Variants in TRAPPC8 observed in about 807,000 individuals in gnomAD.
TRAPPC8 encodes the protein trafficking protein particle complex subunit 8.
A neutral mutation model predicts 174.3 loss-of-function variants in TRAPPC8; 54 were observed. That is an observed-to-expected ratio of 0.31 (90% CI 0.25 to 0.39). TRAPPC8 has a LOEUF of 0.39. Ranked by LOEUF, TRAPPC8 falls within the 10% of genes least tolerant of loss-of-function variation. The probability of loss-of-function intolerance (pLI) is 1.00; values close to 1 mark genes in which losing one functional copy is unlikely to be tolerated. For missense variants in TRAPPC8, 1,531 were observed against 1,699.1 expected, an observed-to-expected ratio of 0.90 and a Z score of 1.74; for synonymous variants, 630 against 579.9, an observed-to-expected ratio of 1.09 and a Z score of -1.24.
At chr18:31,878,809 A>T (rs1008163062) in intron 12 of TRAPPC8, among the ~76,000 whole-genome samples, 2 of 152,332 alleles carry the variant, frequency 1.3e-5, no homozygotes, top group Non-Finnish European at 2.9e-5. Flanking sequence ...AAAACAAAAA[A>T]GAGCAGGGGT....
At chr18:31,894,362 T>C (rs1485779736) in intron 11 of TRAPPC8, among the ~76,000 whole-genome samples, 1 of 152,100 alleles carries the variant, frequency 6.6e-6, no homozygotes, top group Non-Finnish European at 1.5e-5. Context: ...AAAGTGATGG[T>C]TTTATCCAGA....
intron 9 of TRAPPC8, among the ~76,000 whole-genome samples, chr18:31,905,753 T>C (rs1161771208): frequency 1.3e-5 from 2 of 152,186 alleles, no homozygotes; most frequent in African/African-American, 2.4e-5. Context: ...GGTGCACATA[T>C]ATCATCTAAG....
intron 1 of TRAPPC8, among the ~76,000 whole-genome samples, chr18:31,939,215 TCCTCTTTGC>T (rs2038228777): frequency 6.6e-6 from 1 of 151,878 alleles, no homozygotes; most frequent in East Asian, 1.9e-4. Context: ...AAAAATTAAG[TCCTCTTTGC>T]CAAATTTCTA....
At chr18:31,855,415 T>C (rs2033947221) in intron 21 of TRAPPC8, among the ~76,000 whole-genome samples, 3 of 152,198 alleles carry the variant, frequency 2.0e-5, no homozygotes, top group African/African-American at 7.2e-5. Context: ...AATGAATTAA[T>C]GGAACTATAT....
chr18:31,901,770 G>C (rs747798093), intron 9 of TRAPPC8, among the ~76,000 whole-genome samples: 2 of 152,186 alleles, frequency 1.3e-5, no homozygotes, highest in African/African-American at 2.4e-5. Flanking sequence ...ATTTGCCATG[G>C]AAATTCCAGA....
intron 26 of TRAPPC8, among the ~76,000 whole-genome samples, chr18:31,845,464 GTT>G (rs879717982): frequency 2.1e-5 from 3 of 145,114 alleles, no homozygotes; most frequent in Non-Finnish European, 3.0e-5. Context: ...TAATGTTGTA[GTT>G]TTTTTTTTTT....
intron 27 of TRAPPC8, among the ~76,000 whole-genome samples, chr18:31,837,599 G>A (rs780065229): frequency 7.2e-5 from 11 of 152,076 alleles, no homozygotes; most frequent in Non-Finnish European, 1.3e-4. Context: ...CTCAAAGGCT[G>A]AGGCACGAGA....
chr18:31,853,743 G>T (rs1469178412), intron 22 of TRAPPC8, 106 bp downstream of exon 22: 5 of 752,642 alleles, frequency 6.6e-6, no homozygotes, highest in Non-Finnish European at 1.0e-5. Context: ...ACAATTTAAT[G>T]CTTAAAAAAG....
chr18:31,935,754 GAGAC>G, intron 1 of TRAPPC8, among the ~76,000 whole-genome samples: 1 of 138,172 alleles, frequency 7.2e-6, no homozygotes, highest in African/African-American at 2.7e-5. Context: ...TTTTTTTTTT[GAGAC>G]AGAGTCTCGC....
chr18:31,879,201 C>A (rs1444601473), intron 12 of TRAPPC8, among the ~76,000 whole-genome samples: 1 of 152,164 alleles, frequency 6.6e-6, no homozygotes, highest in Non-Finnish European at 1.5e-5. Flanking sequence ...ATGGAACATT[C>A]TCTGAAGTTG....
chr18:31,922,810 G>T (rs2145579421), intron 2 of TRAPPC8, among the ~76,000 whole-genome samples: 1 of 152,066 alleles, frequency 6.6e-6, no homozygotes, highest in South Asian at 2.1e-4. Context: ...TTGAGCCCAG[G>T]AGTTCGAGAC....
rs749024863 is a variant in TRAPPC8 at position 31,907,473 on chromosome 18, G to A, written c.1376C>T (p.Ala459Val). 23 of 1,600,680 alleles carry A rather than the reference G, an allele frequency of 1.4e-5. No individual in the cohort carries two copies. The highest frequency in any genetic ancestry group is 4.5e-5 in the South Asian group (4 of 88,202). ...TAGAATACCAACCAAGGCACCAGCT[G>A]CATAAAGCATTGCTTGATCATTAAG... ...DFLNDQAMLY[A>V]AGALEMAAVS... Residue 459 changes from alanine (A) to valine (V), a missense_variant, in exon 9 of 29, where the codon GCA (alanine) becomes GTA (valine). Ala to Val is a moderately conservative substitution (Grantham distance 64). Transcript: ENST00000283351.
chr18:31,937,346 A>C (rs1255461644), intron 1 of TRAPPC8, among the ~76,000 whole-genome samples: 2 of 152,304 alleles, frequency 1.3e-5, no homozygotes, highest in Middle Eastern at 6.8e-3. Flanking sequence ...GCTGGGCAGC[A>C]TGGCAAAACC....
intron 1 of TRAPPC8, among the ~76,000 whole-genome samples, chr18:31,932,771 C>A (rs1286228121): frequency 6.6e-6 from 1 of 151,514 alleles, no homozygotes; most frequent in Non-Finnish European, 1.5e-5. Context: ...CACCTGAGGT[C>A]AGGAGTTCGA....
intron 24 of TRAPPC8, 34 bp from the exon 25 acceptor site, chr18:31,849,773 C>A: frequency 6.5e-7 from 1 of 1,531,898 alleles, no homozygotes; most frequent in Non-Finnish European, 8.8e-7. Context: ...TTCATAAATG[C>A]TTTTAATTAT....
intron 1 of TRAPPC8, among the ~76,000 whole-genome samples, chr18:31,941,651 A>G (rs776432883): frequency 6.6e-6 from 1 of 152,192 alleles, no homozygotes; most frequent in African/African-American, 2.4e-5. Flanking sequence ...CCCAAAAAAC[A>G]TGGTAGCGCA....
At chr18:31,923,435 G>A (rs987936130) in intron 2 of TRAPPC8, among the ~76,000 whole-genome samples, 8 of 152,084 alleles carry the variant, frequency 5.3e-5, no homozygotes, top group Non-Finnish European at 8.8e-5. Flanking sequence ...TTAAATGACC[G>A]ATCTGAAGAA....
chr18:31,884,902 G>C (rs868573158), intron 12 of TRAPPC8, among the ~76,000 whole-genome samples: 1 of 149,284 alleles, frequency 6.7e-6, no homozygotes, highest in African/African-American at 2.5e-5. Context: ...AGCCCAGGCT[G>C]GAGTGCAGTG....
intron 2 of TRAPPC8, among the ~76,000 whole-genome samples, chr18:31,924,304 AT>A (rs1354306896): frequency 6.6e-6 from 1 of 151,298 alleles, no homozygotes; most frequent in Non-Finnish European, 1.5e-5. Flanking sequence ...AAATACAAAA[AT>A]TAGTTGGGCG....
Sources: allele counts gnomAD v4.1 joint callset (sites outside exome capture counted in the v4.1 genomes callset), GRCh38; gene constraint gnomAD v4.1.1; transcripts MANE v1.5; gene names NCBI Gene and HGNC (gene_info 2026-07-23, HGNC 2026-07-21).